MAPK10: variants seen among roughly 807,000 people sequenced by gnomAD.
MAPK10 encodes the protein JNK3 alpha protein kinase.
In MAPK10, 25 loss-of-function variants were observed where a neutral mutation model predicts 59.3. The observed-to-expected ratio is 0.42, with a 90% CI of 0.31 to 0.59. The LOEUF (loss-of-function observed/expected upper bound fraction) is 0.59, where lower values mean the gene tolerates loss of function less well. MAPK10 is among the 20% of genes least tolerant of loss of function. The pLI is 0.15. For synonymous variants in MAPK10, 190 were observed against 200.5 expected (o/e 0.95, Z 0.44); for missense variants, 351 against 568.9 (o/e 0.62, Z 3.90).
At chr4:86,092,183 T>A (rs865870643) in intron 9 of MAPK10, among the ~76,000 whole-genome samples, 11 of 152,156 alleles carry the variant, frequency 7.2e-5, no homozygotes, top group African/African-American at 2.7e-4. Context: ...GAAATTCTGA[T>A]GTACATATTG....
At chr4:86,100,875 C>T (rs1349796762) in intron 8 of MAPK10, 177 bp downstream of exon 8, 2 of 528,620 alleles carry the variant, frequency 3.8e-6, no homozygotes, top group African/African-American at 1.9e-5. Flanking sequence ...CAATAACATC[C>T]TTCACATTTT....
upstream of MAPK10, among the ~76,000 whole-genome samples, chr4:86,454,484 C>T (rs1751063991): frequency 6.6e-6 from 1 of 151,990 alleles, no homozygotes; most frequent in Non-Finnish European, 1.5e-5. Context: ...TGGAAAGTCT[C>T]AGCAATAGAC....
chr4:86,214,362 A>G (rs2086753382), intron 2 of MAPK10, among the ~76,000 whole-genome samples: 1 of 151,992 alleles, frequency 6.6e-6, no homozygotes, highest in Admixed American at 6.5e-5. Flanking sequence ...CTATTCAACA[A>G]ATTTCTAGAA....
At chr4:86,570,869 G>A (rs376816582) in intron 1 of MAPK10, among the ~76,000 whole-genome samples, 4 of 152,056 alleles carry the variant, frequency 2.6e-5, no homozygotes, top group Non-Finnish European at 4.4e-5. Context: ...GTCTTTAGTC[G>A]CCCATGGCCA....
intron 2 of MAPK10, among the ~76,000 whole-genome samples, chr4:86,195,719 CT>C (rs1303390749): frequency 6.6e-6 from 1 of 152,188 alleles, no homozygotes; most frequent in Non-Finnish European, 1.5e-5. Flanking sequence ...TATCCCTCCC[CT>C]AGGCCCCCAC....
At chr4:86,386,141 T>C (rs980758613) in intron 1 of MAPK10, among the ~76,000 whole-genome samples, 3 of 152,056 alleles carry the variant, frequency 2.0e-5, no homozygotes, top group South Asian at 4.1e-4. Flanking sequence ...CGGAGGGAAA[T>C]GGGGGGGAAT....
At chr4:86,354,114 G>T (rs1326254792) in intron 2 of MAPK10, among the ~76,000 whole-genome samples, 1 of 152,108 alleles carries the variant, frequency 6.6e-6, no homozygotes, top group African/African-American at 2.4e-5. Flanking sequence ...GTGTGTGTGT[G>T]TGTGTGTGTT....
chr4:86,571,424 C>G (rs1761444095), intron 1 of MAPK10, among the ~76,000 whole-genome samples: 1 of 150,266 alleles, frequency 6.7e-6, no homozygotes, highest in Non-Finnish European at 1.5e-5. Context: ...CCAAACATCA[C>G]AAAAATGATG....
chr4:86,354,109 T>C (rs911486224), intron 2 of MAPK10, among the ~76,000 whole-genome samples: 2 of 151,970 alleles, frequency 1.3e-5, no homozygotes, highest in Non-Finnish European at 2.9e-5. Flanking sequence ...AAATTGTGTG[T>C]GTGTGTGTGT....
At chr4:86,569,357 T>C (rs1761292092) in intron 1 of MAPK10, among the ~76,000 whole-genome samples, 1 of 152,202 alleles carries the variant, frequency 6.6e-6, no homozygotes, top group African/African-American at 2.4e-5. Flanking sequence ...GGTGGGAATG[T>C]AAATTAAGTC....
chr4:86,114,126 A>G (rs1258129621), intron 4 of MAPK10, among the ~76,000 whole-genome samples: 2 of 152,170 alleles, frequency 1.3e-5, no homozygotes, highest in Non-Finnish European at 2.9e-5. Flanking sequence ...ATGTTTTATC[A>G]TGGTTCTTAG....
intron 4 of MAPK10, among the ~76,000 whole-genome samples, chr4:86,131,989 C>A (rs1019519810): frequency 6.6e-6 from 1 of 152,160 alleles, no homozygotes; most frequent in African/African-American, 2.4e-5. Flanking sequence ...CATCTCCTTT[C>A]TGCTTCTAGT....
intron 8 of MAPK10, chr4:86,100,395 T>C (rs1444871235): frequency 2.0e-5 from 3 of 152,178 alleles, no homozygotes; most frequent in South Asian, 2.1e-4. Context: ...TTTTAAAGTG[T>C]TCATGAACAT....
chr4:86,113,011 C>T (rs2057747399), intron 4 of MAPK10, among the ~76,000 whole-genome samples: 1 of 151,088 alleles, frequency 6.6e-6, no homozygotes, highest in African/African-American at 2.4e-5. Flanking sequence ...GTTTTAAAGT[C>T]TGTTTTTCAG....
intron 1 of MAPK10, among the ~76,000 whole-genome samples, chr4:86,497,435 C>T (rs957748000): frequency 6.6e-6 from 1 of 152,170 alleles, no homozygotes; most frequent in Non-Finnish European, 1.5e-5. Context: ...AGAGCACACA[C>T]TACACTGCAG....
chr4:86,359,288 C>CTCTGTGTGTG (rs796310826), intron 1 of MAPK10, among the ~76,000 whole-genome samples: 111 of 94,622 alleles, frequency 1.2e-3, no homozygotes, highest in African/African-American at 5.4e-3. Context: ...CTCTCTCTCT[C>CTCTGTGTGTG]TGTGTGTGTG....
chr4:86,157,360 AATG>A (rs1449741119), intron 4 of MAPK10, among the ~76,000 whole-genome samples: 3 of 151,936 alleles, frequency 2.0e-5, no homozygotes, highest in Admixed American at 6.6e-5. Context: ...CATGGACAAA[AATG>A]ATGATATCTG....
At chr4:86,586,955 C>T (rs988395043) in intron 1 of MAPK10, among the ~76,000 whole-genome samples, 3 of 152,202 alleles carry the variant, frequency 2.0e-5, no homozygotes, top group Non-Finnish European at 4.4e-5. Context: ...CTCTTCAGAA[C>T]GAAAAAATTA....
rs189484802 is a variant in MAPK10 at position 86,036,449 on chromosome 4, C to T, written c.1111-5018G>A. ...ACTTGATAAAAAAAAAAACACTGTTCTCTATCTAGTTAAAGGAAGTCACTT... is the reference window on the plus strand; with the variant it reads ...ACTTGATAAAAAAAAAAACACTGTTTTCTATCTAGTTAAAGGAAGTCACTT... On this transcript the variant is annotated intron_variant, in intron 11 of 13. Coordinates refer to ENST00000641462, the MANE Select transcript of MAPK10 (RefSeq NM_138982.4). Among the ~76,000 whole-genome samples, 7 of 151,834 alleles carry T rather than the reference C, an allele frequency of 4.6e-5. No homozygotes were observed. In the East Asian group the frequency reaches 9.7e-4, roughly 21 times the overall value.
Sources: allele counts gnomAD v4.1 joint callset (sites outside exome capture counted in the v4.1 genomes callset), GRCh38; gene constraint gnomAD v4.1.1; transcripts MANE v1.5; gene names NCBI Gene and HGNC (gene_info 2026-07-23, HGNC 2026-07-21).